CDH13: variants seen among roughly 807,000 people sequenced by gnomAD.
CDH13 encodes the protein cadherin-13.
CDH13 carries 24 observed loss-of-function variants against 63.8 expected under a neutral mutation model. The observed-to-expected ratio is 0.38, with a 90% confidence interval of 0.27 to 0.53. CDH13 has a LOEUF of 0.53. Ranked by LOEUF, CDH13 falls within the 20% of genes least tolerant of loss-of-function variation. CDH13 has a pLI of 0.85. For missense variants in CDH13, 1,049 were observed against 903.1 expected, an observed-to-expected ratio of 1.16 and a Z score of -2.07; for synonymous variants, 503 against 355.3, an observed-to-expected ratio of 1.42 and a Z score of -4.67.
In CDH13 at chr16:83,499,241, G is replaced by A. The variant is rs1429150812; in HGVS notation, c.960+12586G>A. Among the ~76,000 whole-genome samples, 3 of 152,230 alleles carry A rather than the reference G, an allele frequency of 2.0e-5. 1 individual carries two copies. The highest frequency in any genetic ancestry group is 4.1e-4 in the South Asian group (2 of 4,828). ...AATAATATAGAAAGATGTTCACCAT[G>A]TATCAGCAGGTGGTTTGCAAAATAC... On this transcript the variant is annotated intron_variant, in intron 7 of 13. Transcript: ENST00000567109.
At chr16:83,084,272 G>C (rs555694923) in intron 3 of CDH13, among the ~76,000 whole-genome samples, 1 of 152,154 alleles carries the variant, frequency 6.6e-6, no homozygotes, top group Non-Finnish European at 1.5e-5. Context: ...GTCTGGAGAA[G>C]GATCTGTGAC....
intron 7 of CDH13, among the ~76,000 whole-genome samples, chr16:83,594,402 G>C (rs544632902): frequency 6.6e-6 from 1 of 152,046 alleles, no homozygotes; most frequent in Non-Finnish European, 1.5e-5. Flanking sequence ...CTAAGTCATG[G>C]AGCCAGGGTG....
intron 1 of CDH13, chr16:82,824,803 G>C (rs2038165646): frequency 6.6e-6 from 1 of 152,192 alleles, no homozygotes; most frequent in African/African-American, 2.4e-5. Flanking sequence ...TTTGGATTCT[G>C]ATTTAAAAAT....
chr16:83,266,558 A>G (rs987680441), intron 5 of CDH13, among the ~76,000 whole-genome samples: 2 of 152,240 alleles, frequency 1.3e-5, no homozygotes, highest in East Asian at 1.9e-4. Flanking sequence ...ACTAACACAG[A>G]TAAAGTCTTC....
chr16:83,346,345 A>G lies in CDH13; in HGVS notation c.781+1339A>G, dbSNP rs1339133834. 9.9e-5 allele frequency among the ~76,000 whole-genome samples: 15 copies of G among 152,166 alleles called. No homozygotes were observed. The South Asian group carries it at 3.1e-3, about 32-fold the overall frequency. ...GATGGCTTCTGGTGAGAAACACCCT[A>G]GAATTTCGGTTTGATGTTTACAGAA... On this transcript the variant is annotated intron_variant, in intron 6 of 13. Transcript: ENST00000567109.
At chr16:83,661,785 C>A in intron 8 of CDH13, among the ~76,000 whole-genome samples, 1 of 152,206 alleles carries the variant, frequency 6.6e-6, no homozygotes, top group East Asian at 1.9e-4. Context: ...TTCTGTGTAT[C>A]TGCAGCCAAC....
At position 82,708,340 on chromosome 16, in the gene CDH13, A is replaced by G. The variant is rs745513444; in HGVS notation, c.45+81203A>G. Among the ~76,000 whole-genome samples, 3 of 152,164 alleles carry G rather than the reference A, an allele frequency of 2.0e-5. 1 individual carries two copies. Among genetic ancestry groups the G allele is most frequent in the South Asian group, 4.1e-4 (2 of 4,820 alleles). Reference sequence around the variant, plus strand: ...AGTGGACCCACAGGGAGTTACTATAAAAGTGCAAATAGGGCATAAGGGGAT... The same window carrying G: ...AGTGGACCCACAGGGAGTTACTATAGAAGTGCAAATAGGGCATAAGGGGAT... On this transcript the variant is annotated intron_variant, in intron 1 of 13. Coordinates refer to ENST00000567109, the MANE Select transcript of CDH13 (RefSeq NM_001257.5).
chr16:83,502,955 A>G (rs1441609436), intron 7 of CDH13, among the ~76,000 whole-genome samples: 1 of 152,190 alleles, frequency 6.6e-6, no homozygotes, highest in African/African-American at 2.4e-5. Flanking sequence ...AGTGCATGAA[A>G]GTGTTCCTCT....
At chr16:83,191,306 C>T (rs2038690534) in intron 4 of CDH13, among the ~76,000 whole-genome samples, 1 of 147,220 alleles carries the variant, frequency 6.8e-6, no homozygotes, top group Non-Finnish European at 1.5e-5. Flanking sequence ...CTACTGCATG[C>T]TTATGGGAAC....
chr16:83,787,520 A>G (rs1915964692), intron 13 of CDH13, among the ~76,000 whole-genome samples: 1 of 152,176 alleles, frequency 6.6e-6, no homozygotes, highest in African/African-American at 2.4e-5. Context: ...ACACATTCGA[A>G]TCATTTACTA....
intron 2 of CDH13, among the ~76,000 whole-genome samples, chr16:82,912,214 T>C (rs1391199547): frequency 6.6e-6 from 1 of 152,238 alleles, no homozygotes; most frequent in African/African-American, 2.4e-5. Flanking sequence ...TGTTCAAATG[T>C]TGTTTCTGCA....
At chr16:83,289,984 A>C (rs1461680035) in intron 5 of CDH13, among the ~76,000 whole-genome samples, 1 of 152,152 alleles carries the variant, frequency 6.6e-6, no homozygotes, top group African/African-American at 2.4e-5. Context: ...TCTAATCACC[A>C]GCTTCTCCCC....
At chr16:82,980,170 A>G (rs1222180530) in intron 2 of CDH13, among the ~76,000 whole-genome samples, 2 of 152,170 alleles carry the variant, frequency 1.3e-5, no homozygotes, top group African/African-American at 4.8e-5. Flanking sequence ...GTGTGTGTGC[A>G]GAAGGCCACC....
At chr16:83,461,844 AT>A (rs1198901207) in intron 6 of CDH13, among the ~76,000 whole-genome samples, 3 of 152,202 alleles carry the variant, frequency 2.0e-5, no homozygotes, top group Admixed American at 1.3e-4. Flanking sequence ...CAGAAGATCG[AT>A]TCTGGCTCTG....
At chr16:83,465,433 G>A (rs1766453047) in intron 6 of CDH13, among the ~76,000 whole-genome samples, 1 of 152,190 alleles carries the variant, frequency 6.6e-6, no homozygotes, top group Non-Finnish European at 1.5e-5. Flanking sequence ...GAAGCACTCT[G>A]TCCCCATGGA....
intron 5 of CDH13, among the ~76,000 whole-genome samples, chr16:83,246,790 CG>C (rs1212626350): frequency 6.6e-6 from 1 of 152,160 alleles, no homozygotes; most frequent in Non-Finnish European, 1.5e-5. Flanking sequence ...GCTTCTCTGT[CG>C]ACTTCAAGAT....
At chr16:83,524,967 C>T (rs1302959786) in intron 7 of CDH13, among the ~76,000 whole-genome samples, 7 of 152,190 alleles carry the variant, frequency 4.6e-5, no homozygotes, top group Non-Finnish European at 1.0e-4. Context: ...ATTTTCTCAT[C>T]ATAGATTCTT....
intron 1 of CDH13, among the ~76,000 whole-genome samples, chr16:82,788,387 G>A (rs80268194): frequency 6.1e-4 from 93 of 152,250 alleles, no homozygotes; most frequent in Non-Finnish European, 1.1e-3. Flanking sequence ...CCTCCTGGAC[G>A]ACCGCCCTGA....
intron 6 of CDH13, among the ~76,000 whole-genome samples, chr16:83,415,806 G>A (rs924026623): frequency 1.3e-5 from 2 of 152,108 alleles, no homozygotes; most frequent in African/African-American, 4.8e-5. Context: ...ATACTCAACA[G>A]TGATAAAACT....
Sources: gnomAD v4.1 joint callset for allele counts (sites outside exome capture counted in the v4.1 genomes callset) on GRCh38, gnomAD v4.1.1 for gene constraint, MANE v1.5 for transcripts, NCBI Gene and HGNC (gene_info 2026-07-23, HGNC 2026-07-21) for gene names.